Variants in SEPTIN6 observed in about 807,000 individuals in gnomAD.
SEPTIN6 encodes the protein septin 6.
In SEPTIN6, 8 loss-of-function variants were observed where a neutral mutation model predicts 33.6. The observed-to-expected ratio is 0.24, with a 90% CI of 0.14 to 0.43. The LOEUF is 0.43. Among genes scored for constraint, SEPTIN6 ranks in the 20% least tolerant of loss-of-function variants. The pLI is 1.00. For synonymous variants in SEPTIN6, 131 were observed against 140.0 expected, an observed-to-expected ratio of 0.94 and a Z score of 0.45; for missense variants, 250 against 340.8, an observed-to-expected ratio of 0.73 and a Z score of 2.10.
chrX:119,693,071 C>T lies in SEPTIN6; in HGVS notation c.30+5G>A. 2.0e-5 allele frequency: 23 copies of T among 1,174,604 alleles called. No individual in the cohort carries two copies. Among genetic ancestry groups the T allele is most frequent in the Non-Finnish European group, 2.5e-5 (22 of 876,620 alleles). Reference sequence around the variant, plus strand: ...CCGGCCCTGGCACCCAAGCTCTGCACTTACCACCTGGCGAGCTATATCGGT... The same window carrying T: ...CCGGCCCTGGCACCCAAGCTCTGCATTTACCACCTGGCGAGCTATATCGGT... On this transcript the variant is annotated splice_donor_5th_base_variant and intron_variant, in intron 1 of 10. Transcript: ENST00000394610.
chrX:119,691,613 G>A (rs1459068927), intron 1 of SEPTIN6, among the ~76,000 whole-genome samples: 1 of 111,656 alleles, frequency 9.0e-6, no homozygotes, highest in Non-Finnish European at 1.9e-5. Context: ...TGCAGGGGGT[G>A]GAGGAGGTTC....
chrX:119,637,242 C>T lies in SEPTIN6; in HGVS notation c.788-47G>A, dbSNP rs373441046. 8.9e-6 allele frequency: 10 copies of T among 1,119,039 alleles called. No individual in the cohort carries two copies. The African/African-American group carries it at 1.6e-4, about 18-fold the overall frequency. 92.2% of individuals were successfully genotyped at this position (1,119,039 alleles called of 1,213,427 possible). On this transcript the variant is annotated intron_variant, in intron 6 of 10. Transcript: ENST00000394610. The stretch of plus-strand genomic sequence containing the variant: ...ATTGAAAGTATGTTGAAAGGAAGGC[C>T]AGCAGAAGCAGAAATGGATGAAACG...
intron 1 of SEPTIN6, 94 bp from the exon 2 acceptor site, chrX:119,675,762 C>T (rs1228897899): frequency 2.7e-5 from 12 of 438,207 alleles, no homozygotes; most frequent in Non-Finnish European, 3.6e-6. Flanking sequence ...GCAAGGAAGT[C>T]ACACCCGCCC....
At chrX:119,620,096 T>C (rs2053723671) in intron 10 of SEPTIN6, 45 bp from the exon 11 acceptor site, 2 of 947,831 alleles carry the variant, frequency 2.1e-6, no homozygotes, top group Admixed American at 6.9e-5. Flanking sequence ...GATAGATTAA[T>C]GTACCAAAAA....
chrX:119,640,140 TC>T (rs1486774568), intron 6 of SEPTIN6, among the ~76,000 whole-genome samples: 1 of 82,753 alleles, frequency 1.2e-5, no homozygotes, highest in Non-Finnish European at 2.3e-5. Context: ...AAATCCCTTA[TC>T]CCCCTCCCAC....
intron 8 of SEPTIN6, among the ~76,000 whole-genome samples, chrX:119,631,152 G>A (rs2053951536): frequency 9.2e-6 from 1 of 108,300 alleles, no homozygotes; most frequent in Admixed American, 9.9e-5. Flanking sequence ...CAGACTTGCT[G>A]TATAAACCAG....
At chrX:119,625,567 G>C (rs2053845646) in intron 9 of SEPTIN6, among the ~76,000 whole-genome samples, 188 bp from the exon 10 acceptor site, 1 of 105,434 alleles carries the variant, frequency 9.5e-6, no homozygotes, top group Admixed American at 1.0e-4. Flanking sequence ...TTTTGAGTCA[G>C]GGTCTCTCTC....
intron 5 of SEPTIN6, among the ~76,000 whole-genome samples, chrX:119,642,789 C>T (rs893752340): frequency 1.8e-5 from 2 of 111,485 alleles, no homozygotes; most frequent in Non-Finnish European, 3.8e-5. Flanking sequence ...TCCAGGACCT[C>T]CACCAGTCCC....
rs1393628311 is a variant in SEPTIN6 at position 119,617,508 on chromosome X, G to C, written c.*2585C>G. On this transcript the variant is annotated 3_prime_UTR_variant, in exon 11 of 11. Transcript: ENST00000394610. Reference sequence around the variant, plus strand: ...CATCACTGGGTCATTGGGTTAAGGAGCTGGCCCGGCATGCCTTCGTTTTGC... The same window carrying C: ...CATCACTGGGTCATTGGGTTAAGGACCTGGCCCGGCATGCCTTCGTTTTGC... 5.0e-6 allele frequency: 4 copies of C among 802,836 alleles called. No homozygotes were observed. Among genetic ancestry groups the C allele is most frequent in the Non-Finnish European group, 6.0e-6 (4 of 670,014 alleles). 66.2% of individuals were successfully genotyped at this position (802,836 alleles called of 1,213,427 possible).
chrX:119,672,839 G>T (rs1018648891), intron 2 of SEPTIN6, among the ~76,000 whole-genome samples: 1 of 111,674 alleles, frequency 9.0e-6, no homozygotes, highest in African/African-American at 3.3e-5. Context: ...CCATCAGTTA[G>T]ACTTTCAGCA....
intron 1 of SEPTIN6, among the ~76,000 whole-genome samples, chrX:119,691,057 C>T (rs1343384361): frequency 1.8e-5 from 2 of 111,351 alleles, no homozygotes; most frequent in African/African-American, 3.3e-5. Context: ...CAGAATCTGG[C>T]GTACAATTAT....
At chrX:119,635,231 AT>A (rs2054043494) in intron 7 of SEPTIN6, 1 of 278,486 alleles carries the variant, frequency 3.6e-6, no homozygotes, top group African/African-American at 2.8e-5. Flanking sequence ...CAGAAGATGA[AT>A]TTGTACAGAG....
chrX:119,681,126 G>A (rs775961006), intron 1 of SEPTIN6, among the ~76,000 whole-genome samples: 1 of 111,184 alleles, frequency 9.0e-6, no homozygotes, highest in South Asian at 3.8e-4. Context: ...AGTTAAATAC[G>A]CAAAGGTAGG....
At chrX:119,678,468 C>T (rs1325416118) in intron 1 of SEPTIN6, among the ~76,000 whole-genome samples, 7 of 108,180 alleles carry the variant, frequency 6.5e-5, no homozygotes, top group Non-Finnish European at 3.8e-5. Context: ...TGCAGTGAGC[C>T]GAGATCGCGC....
At position 119,675,558 on chromosome X, in the gene SEPTIN6, G is replaced by A. The variant is rs761414248; in HGVS notation, c.141C>T (p.Cys47=). Reference sequence around the variant, plus strand: ...TCCTGCTATGGAAATACTCACCCACGCACAGGATGTTGAAGCAGAAGCCCT... The same window carrying A: ...TCCTGCTATGGAAATACTCACCCACACACAGGATGTTGAAGCAGAAGCCCT... ...VSQGFCFNIL[C]VGETGLGKST... is the part of the protein sequence containing the mutation. The change falls in exon 2 of 11, where the codon TGC becomes TGT. Residue 47 remains cysteine (C), a synonymous_variant. Transcript: ENST00000394610. The A allele has an allele frequency of 6.3e-6, 7 of 1,119,938 alleles. No homozygotes were observed. Among genetic ancestry groups the A allele is most frequent in the Middle Eastern group, 2.4e-4 (1 of 4,100 alleles). The allele number at this position is 1,119,938 out of a possible 1,213,427, so 92.3% of individuals were successfully genotyped here.
At chrX:119,673,336 A>G (rs1041355696) in intron 2 of SEPTIN6, among the ~76,000 whole-genome samples, 3 of 109,971 alleles carry the variant, frequency 2.7e-5, no homozygotes, top group Non-Finnish European at 3.8e-5. Context: ...TGGGTGACAC[A>G]GGGACACTTT....
chrX:119,624,158 T>G (rs763319883), intron 10 of SEPTIN6: 36 of 161,498 alleles, frequency 2.2e-4, no homozygotes, highest in African/African-American at 1.4e-3. Flanking sequence ...TTTTTTTTTG[T>G]TTTTTTTTTT....
chrX:119,642,351 G>T (rs1445665610), intron 5 of SEPTIN6, among the ~76,000 whole-genome samples: 1 of 110,738 alleles, frequency 9.0e-6, no homozygotes, highest in East Asian at 2.8e-4. Flanking sequence ...CCTATGCACT[G>T]GGTACCAGCT....
chrX:119,632,356 C>T lies in SEPTIN6; in HGVS notation c.1089+1004G>A, dbSNP rs745915762. On this transcript the variant is annotated intron_variant, in intron 8 of 10. Coordinates refer to ENST00000394610, the MANE Select transcript of SEPTIN6 (RefSeq NM_145799.4). ...GACTACAGGCGCCCGCCACCACGCC[C>T]GGCTAATTTTTTTGTATTTTTAGTA... Among the ~76,000 whole-genome samples the T allele has an allele frequency of 1.4e-3, 159 of 110,163 alleles. 1 individual carries two copies. The highest frequency in any genetic ancestry group is 4.8e-3 in the African/African-American group (146 of 30,306).
Sources: gnomAD v4.1 joint callset for allele counts (sites outside exome capture counted in the v4.1 genomes callset) on GRCh38, gnomAD v4.1.1 for gene constraint, MANE v1.5 for transcripts, NCBI Gene and HGNC (gene_info 2026-07-23, HGNC 2026-07-21) for gene names.